The following DIS3 variants were observed in gnomAD, a reference collection of about 807,000 sequenced individuals.
DIS3 encodes the protein DIS3 exosome endoribonuclease and 3'-5' exoribonuclease.
DIS3 carries 103 observed loss-of-function variants against 113.0 expected under a neutral mutation model. The observed-to-expected ratio is 0.91, with a 90% CI of 0.78 to 1.07. DIS3 has a LOEUF of 1.07. Among genes scored for constraint, DIS3 ranks in the 50% least tolerant of loss-of-function variants. The pLI is 0.00. For synonymous variants in DIS3, 402 were observed against 394.3 expected (o/e 1.02, Z -0.23); for missense variants, 1,121 against 1,167.1 (o/e 0.96, Z 0.58).
rs1367841383 is a variant in DIS3, at chr13:72,773,748, G to A, written c.1175C>T (p.Thr392Ile). Residue 392 changes from threonine to isoleucine, a missense_variant, in exon 8 of 21, where the codon ACA (threonine) becomes ATA (isoleucine). Thr to Ile is a moderately conservative substitution (Grantham distance 89, BLOSUM62 -1). This residue lies in a region of DIS3 where 861 missense variants were observed against 915.5 expected (regional missense o/e 0.94). Transcript: ENST00000377767. The stretch of plus-strand genomic sequence containing the variant: ...AACAATAATTCTCCGTCCTTCTAAT[G>A]TGGAAGCCTGTCTGGTTTCTATGCG... ...RIRIETRQAS[T>I]LEGRRIIVAI... is the part of the protein sequence containing the mutation. The A allele has an allele frequency of 6.2e-7, 1 of 1,613,918 alleles. No individual in the cohort carries two copies.
Position 72,755,402 on chromosome 13 carries a change from T to C in DIS3, c.*4393A>G. On this transcript the variant is annotated 3_prime_UTR_variant, in exon 21 of 21. Transcript: ENST00000377767. Reference sequence around the variant, plus strand: ...ACAGAAATGCTCCTGGAACTTCAAGTTGCTGAATTATAAGTTTATTTTTTA... The same window carrying C: ...ACAGAAATGCTCCTGGAACTTCAAGCTGCTGAATTATAAGTTTATTTTTTA... The C allele has an allele frequency of 1.9e-6, 1 of 532,622 alleles. No homozygotes were observed. The highest frequency in any genetic ancestry group is 3.3e-6 in the Non-Finnish European group (1 of 301,794). The allele number at this position is 532,622 out of a possible 1,614,324, so 33.0% of individuals were successfully genotyped here. A position where few individuals can be genotyped will look rare whatever the true frequency, so the allele number is the denominator to read the frequency against.
rs139662940 is a variant in DIS3, at chr13:72,773,949, C to T, written c.1098G>A (p.Lys366=). 1.6e-4 allele frequency: 262 copies of T among 1,606,174 alleles called. No individual in the cohort carries two copies. The East Asian group carries it at 5.3e-3, about 33-fold the overall frequency. Residue 366 remains lysine (K), a synonymous_variant, in exon 7 of 21, where the codon AAG becomes AAA. Transcript: ENST00000377767. The part of the protein sequence containing the change: ...YCGMLSKSDI[K]ESRRHLFTPA... Reference sequence around the variant, plus strand: ...ATAGTAAATGCTCTTTACTCACCTCCTTAATGTCAGACTTGGAAAGCATGC... The same window carrying T: ...ATAGTAAATGCTCTTTACTCACCTCTTTAATGTCAGACTTGGAAAGCATGC...
At chr13:72,777,551 A>G (rs2034046574) in intron 3 of DIS3, 58 bp from the exon 4 acceptor site, 1 of 1,457,718 alleles carries the variant, frequency 6.9e-7, no homozygotes, top group African/African-American at 1.4e-5. Context: ...ATATGAAAAA[A>G]ATGGATAGTC....
chr13:72,772,363 A>G (rs1190496004), intron 9 of DIS3, 88 bp from the exon 10 acceptor site: 1 of 1,007,540 alleles, frequency 9.9e-7, no homozygotes, highest in Non-Finnish European at 1.5e-6. Flanking sequence ...AGTAATATGT[A>G]TACAAAAACA....
intron 1 of DIS3, 88 bp downstream of exon 1, chr13:72,781,517 A>G (rs772274455): frequency 1.6e-4 from 231 of 1,445,504 alleles, no homozygotes; most frequent in Non-Finnish European, 1.8e-4. Flanking sequence ...GACACTGCCA[A>G]AGACCCGCCT....
chr13:72,754,494 T>C lies in DIS3; in HGVS notation c.*5301A>G, dbSNP rs2033389472. 6.6e-6 allele frequency: 1 copy of C among 151,998 alleles called. No homozygotes were observed. The highest frequency in any genetic ancestry group is 1.5e-5 in the Non-Finnish European group (1 of 68,052). 9.4% of individuals were successfully genotyped at this position (151,998 alleles called of 1,614,324 possible). A position where few individuals can be genotyped will look rare whatever the true frequency, so the allele number is the denominator to read the frequency against. On this transcript the variant is annotated 3_prime_UTR_variant, in exon 21 of 21. Coordinates refer to ENST00000377767, the MANE Select transcript of DIS3 (RefSeq NM_014953.5). Reference sequence around the variant, plus strand: ...CCTGCTGTTATATGCCAGTTTCTTATAAAATACTATAAATATCAGCAAATG... The same window carrying C: ...CCTGCTGTTATATGCCAGTTTCTTACAAAATACTATAAATATCAGCAAATG...
At chr13:72,780,588 G>A (rs982827467) in intron 2 of DIS3, among the ~76,000 whole-genome samples, 1 of 151,958 alleles carries the variant, frequency 6.6e-6, no homozygotes, top group Non-Finnish European at 1.5e-5. Context: ...AATTCAAAAT[G>A]AAAACATTTT....
At chr13:72,778,436 A>G in intron 2 of DIS3, 56 bp from the exon 3 acceptor site, 4 of 1,436,060 alleles carry the variant, frequency 2.8e-6, no homozygotes, top group Middle Eastern at 2.1e-4. Flanking sequence ...AGGATATGTG[A>G]AAACTCTTAG....
intron 13 of DIS3, among the ~76,000 whole-genome samples, chr13:72,769,853 G>A (rs2033844056): frequency 6.6e-6 from 1 of 152,132 alleles, no homozygotes; most frequent in South Asian, 2.1e-4. Context: ...GAAAAAACAG[G>A]TTAAGCTTGG....
intron 15 of DIS3, 103 bp from the exon 16 acceptor site, chr13:72,763,710 G>A: frequency 2.6e-6 from 3 of 1,156,286 alleles, no homozygotes; most frequent in Non-Finnish European, 3.6e-6. Context: ...GATAATAAGA[G>A]CATTTCCTAT....
rs2033919004 is a variant in DIS3 at position 72,772,796 on chromosome 13, G to T, written c.1283C>A (p.Thr428Asn). Residue 428 changes from threonine (T) to asparagine (N), a missense_variant, in exon 9 of 21, where the codon ACT becomes AAT. Around this residue, in one of 3 missense-constraint regions of DIS3, gnomAD observed 861 missense variants for 915.5 expected, o/e 0.94. Coordinates refer to ENST00000377767, the MANE Select transcript of DIS3 (RefSeq NM_014953.5). Reference protein sequence around the residue: ...RNLGDVGEKETETEVLLLEHD... With the variant: ...RNLGDVGEKENETEVLLLEHD... ...TTCAAGTAACAAAACTTCTGTTTCA[G>T]TCTCTTTCTCTCCAACATCACCTAA... 1.2e-6 allele frequency: 2 copies of T among 1,612,290 alleles called. No homozygotes were observed. Among genetic ancestry groups the T allele is most frequent in the African/African-American group, 1.3e-5 (1 of 74,860 alleles).
intron 15 of DIS3, 66 bp downstream of exon 15, chr13:72,765,906 C>CTGTAA: frequency 1.8e-6 from 2 of 1,122,440 alleles, no homozygotes; most frequent in Non-Finnish European, 2.5e-6. Context: ...ATTATTTGTA[C>CTGTAA]TTACAGTAGA....
chr13:72,779,818 TTAAACA>T (rs1439527016), intron 2 of DIS3, among the ~76,000 whole-genome samples: 2 of 151,986 alleles, frequency 1.3e-5, no homozygotes. Flanking sequence ...AGGAACACTG[TTAAACA>T]TACTACAATG....
At position 72,755,659 on chromosome 13, in the gene DIS3, G is replaced by T; in HGVS notation, c.*4136C>A. 2.6e-6 allele frequency: 1 copy of T among 385,540 alleles called. No homozygotes were observed. The allele number at this position is 385,540 out of a possible 1,614,324, so 23.9% of individuals were successfully genotyped here. On this transcript the variant is annotated 3_prime_UTR_variant, in exon 21 of 21. Coordinates refer to ENST00000377767, the MANE Select transcript of DIS3 (RefSeq NM_014953.5). ...TTATAACCTATGTGAAGAAATCTTA[G>T]ATATAAAACTAACTTTTCAAAGATA...
rs1460591156 is a variant in DIS3 at position 72,772,706 on chromosome 13, C to T, written c.1373G>A (p.Ser458Asn). The change falls in exon 9 of 21, where the codon AGC (serine) becomes AAC (asparagine). Residue 458 changes from serine (S) to asparagine (N), a missense_variant. This residue lies in a region of DIS3 where 861 missense variants were observed against 915.5 expected (regional missense o/e 0.94). Coordinates refer to ENST00000377767, the MANE Select transcript of DIS3 (RefSeq NM_014953.5). ...CTTTCAACTTACCTTTTCAGTAATG[C>T]TCCAGGGCATCTTTGGCAGAAAACT... is the stretch of plus-strand genomic sequence containing the variant. ...VLSFLPKMPW[S>N]ITEKDMKNRE... 2 of 1,611,044 alleles carry T rather than the reference C, an allele frequency of 1.2e-6. No homozygotes were observed. Among genetic ancestry groups the T allele is most frequent in the Non-Finnish European group, 1.7e-6 (2 of 1,179,238 alleles).
chr13:72,761,716 C>T lies in DIS3; in HGVS notation c.2441G>A (p.Cys814Tyr), dbSNP rs1343536120. 6.2e-7 allele frequency: 1 copy of T among 1,613,644 alleles called. No homozygotes were observed. Among genetic ancestry groups the T allele is most frequent in the Admixed American group, 1.7e-5 (1 of 59,900 alleles). The change falls in exon 18 of 21, where the codon TGT becomes TAT. Residue 814 changes from cysteine (C) to tyrosine (Y), a missense_variant. Physicochemically the swap from Cys to Tyr is radical, Grantham distance 194. Coordinates refer to ENST00000377767, the MANE Select transcript of DIS3 (RefSeq NM_014953.5). The stretch of plus-strand genomic sequence containing the variant: ...TTTGTGCCGGAAATTTAGATTTTTA[C>T]ATATATCTGCAAGCTTGTGTTTGTC... ...LTDKHKLADI[C>Y]KNLNFRHKMA...
chr13:72,776,426 G>A (rs1203610125), intron 4 of DIS3, among the ~76,000 whole-genome samples: 1 of 151,462 alleles, frequency 6.6e-6, no homozygotes, highest in East Asian at 1.9e-4. Context: ...ACATATTAGG[G>A]CAATACTAAA....
At chr13:72,781,158 A>G (rs752428583) in intron 1 of DIS3, 155 bp from the exon 2 acceptor site, 4 of 1,360,774 alleles carry the variant, frequency 2.9e-6, no homozygotes, top group Non-Finnish European at 4.1e-6. Context: ...AAACGAGACA[A>G]TAGTCACTAA....
intron 1 of DIS3, 109 bp from the exon 2 acceptor site, chr13:72,781,112 T>G: frequency 1.5e-6 from 2 of 1,360,504 alleles, no homozygotes; most frequent in Non-Finnish European, 2.0e-6. Context: ...TTAAAAACAC[T>G]GAATAAGTTA....
Sources: allele counts gnomAD v4.1 joint callset (sites outside exome capture counted in the v4.1 genomes callset), GRCh38; gene constraint gnomAD v4.1.1; regional missense constraint gnomAD v4.1.1; transcripts MANE v1.5; gene names NCBI Gene and HGNC (gene_info 2026-07-23, HGNC 2026-07-21).